SMCO2: variants seen among roughly 807,000 people sequenced by gnomAD.
SMCO2 encodes single-pass membrane protein with coiled-coil domains 2, also known as single-pass membrane and coiled-coil domain-containing protein 2.
SMCO2 carries 25 observed loss-of-function variants against 29.5 expected under a neutral mutation model. That is an observed-to-expected ratio of 0.85 (90% CI 0.62 to 1.18). The LOEUF (loss-of-function observed/expected upper bound fraction) is 1.18, where lower values mean the gene tolerates loss of function less well. Among genes scored for constraint, SMCO2 ranks in the 50% most tolerant of loss-of-function variants. The pLI, the probability that SMCO2 is intolerant of heterozygous loss-of-function variation, is 0.00. For missense variants in SMCO2, 348 were observed against 344.5 expected (o/e 1.01, Z -0.08); for synonymous variants, 117 against 123.3 (o/e 0.95, Z 0.34).
the SMCO2 span, among the ~76,000 whole-genome samples, chr12:27,446,242 G>A: frequency 6.6e-6 from 1 of 152,126 alleles, no homozygotes; most frequent in African/African-American, 2.4e-5. Flanking sequence ...GGTGGGAGTT[G>A]GGAAGCAGGG....
chr12:27,455,165 A>G, the SMCO2 span, among the ~76,000 whole-genome samples: 1 of 152,294 alleles, frequency 6.6e-6, no homozygotes, highest in East Asian at 1.9e-4. Context: ...TGGTGTTTGA[A>G]TGGCAGGGCC....
the SMCO2 span, among the ~76,000 whole-genome samples, chr12:27,441,240 C>G: frequency 6.6e-6 from 1 of 152,140 alleles, no homozygotes; most frequent in African/African-American, 2.4e-5. Context: ...GCCTGGGCAA[C>G]AGAGTAAGAC....
the SMCO2 span, among the ~76,000 whole-genome samples, chr12:27,456,111 A>AG: frequency 6.6e-6 from 1 of 152,248 alleles, no homozygotes; most frequent in Non-Finnish European, 1.5e-5. Context: ...GCTACTCGGG[A>AG]GGCTGAGGCA....
At chr12:27,435,290 C>A in the SMCO2 span, among the ~76,000 whole-genome samples, 8 of 20,622 alleles carry the variant, frequency 3.9e-4, 1 homozygote, top group Non-Finnish European at 3.0e-3. Context: ...GAACCCCCCC[C>A]CCCCCCCCCC....
intron 7 of SMCO2, among the ~76,000 whole-genome samples, chr12:27,499,447 G>T (rs1943051631): frequency 6.6e-6 from 1 of 150,528 alleles, no homozygotes; most frequent in South Asian, 2.1e-4. Flanking sequence ...TAGGGAGATG[G>T]TGACTGCTCC....
At chr12:27,424,814 T>C in the SMCO2 span, 1 of 152,210 alleles carries the variant, frequency 6.6e-6, no homozygotes, top group African/African-American at 2.4e-5. Context: ...AGGTGCCACT[T>C]TTCTGTTTTT....
chr12:27,464,384 G>A (rs1183817633), upstream of SMCO2, among the ~76,000 whole-genome samples: 8 of 152,044 alleles, frequency 5.3e-5, no homozygotes, highest in Non-Finnish European at 1.0e-4. Flanking sequence ...GAAACCAGCT[G>A]TTGGGGCCCA....
At chr12:27,486,282 C>G (rs746346073) in intron 4 of SMCO2, among the ~76,000 whole-genome samples, 18 of 152,224 alleles carry the variant, frequency 1.2e-4, no homozygotes, top group Non-Finnish European at 2.5e-4. Flanking sequence ...GGCAAATCTA[C>G]TCCATGTGGC....
chr12:27,450,891 G>T, the SMCO2 span, among the ~76,000 whole-genome samples: 215 of 152,304 alleles, frequency 1.4e-3, no homozygotes, highest in Non-Finnish European at 2.5e-3. Flanking sequence ...CATGAACGAG[G>T]CTATCCTCAC....
At chr12:27,493,005 A>T (rs1230567387) in intron 5 of SMCO2, among the ~76,000 whole-genome samples, 1 of 152,246 alleles carries the variant, frequency 6.6e-6, no homozygotes, top group African/African-American at 2.4e-5. Context: ...TGCATCCATA[A>T]AAAAGAACGA....
chr12:27,482,502 C>T (rs749483251), intron 4 of SMCO2, among the ~76,000 whole-genome samples: 29 of 152,236 alleles, frequency 1.9e-4, no homozygotes, highest in Non-Finnish European at 3.4e-4. Flanking sequence ...GGTTCCAGCA[C>T]GTTGGCCAGG....
chr12:27,473,080 C>T (rs910517402), intron 3 of SMCO2: 28 of 481,962 alleles, frequency 5.8e-5, no homozygotes, highest in Admixed American at 1.1e-4. Context: ...ACATGAAGGA[C>T]TTACTAGCCT....
At chr12:27,437,262 C>A in the SMCO2 span, among the ~76,000 whole-genome samples, 1 of 151,988 alleles carries the variant, frequency 6.6e-6, no homozygotes, top group Admixed American at 6.6e-5. Flanking sequence ...CAGAGAAAGA[C>A]CTTGTCTCAA....
chr12:27,442,770 G>A, the SMCO2 span, among the ~76,000 whole-genome samples: 10 of 152,070 alleles, frequency 6.6e-5, no homozygotes, highest in South Asian at 2.1e-4. Flanking sequence ...ACAGGCATGC[G>A]CCACAACACC....
At chr12:27,432,071 A>G in the SMCO2 span, among the ~76,000 whole-genome samples, 20 of 151,328 alleles carry the variant, frequency 1.3e-4, no homozygotes, top group Admixed American at 5.9e-4. Flanking sequence ...GGCCATTTGT[A>G]TATCTTCTGT....
the SMCO2 span, among the ~76,000 whole-genome samples, chr12:27,430,495 C>A: frequency 1.3e-5 from 2 of 152,060 alleles, no homozygotes; most frequent in Non-Finnish European, 2.9e-5. Flanking sequence ...TTGCTCGAAC[C>A]CAGGAGGTTC....
In SMCO2 at chr12:27,472,762, T is replaced by C. The variant is rs953439288; in HGVS notation, c.135-14T>C. The C allele has an allele frequency of 1.9e-6, 3 of 1,547,290 alleles. No individual in the cohort carries two copies. Among genetic ancestry groups the C allele is most frequent in the Non-Finnish European group, 2.6e-6 (3 of 1,143,814 alleles). ...GCATAATAACAGCCTCTGTTTGGAT[T>C]GTGTGGCTTGCAGTTTGCTAAAGGA... On this transcript the variant is annotated splice_polypyrimidine_tract_variant and intron_variant, in intron 2 of 7. Transcript: ENST00000298876.
intron 4 of SMCO2, among the ~76,000 whole-genome samples, chr12:27,488,038 T>A (rs1224724621): frequency 2.0e-5 from 3 of 152,144 alleles, no homozygotes; most frequent in Non-Finnish European, 2.9e-5. Flanking sequence ...GTAATTTGTC[T>A]TTTCATCCAT....
the SMCO2 span, among the ~76,000 whole-genome samples, chr12:27,438,929 C>T: frequency 6.6e-6 from 1 of 152,092 alleles, no homozygotes; most frequent in Admixed American, 6.5e-5. Context: ...ACTTCTGCAC[C>T]TGCAATACCC....
Sources: gnomAD v4.1 joint callset for allele counts (sites outside exome capture counted in the v4.1 genomes callset) on GRCh38, gnomAD v4.1.1 for gene constraint, MANE v1.5 for transcripts, NCBI Gene and HGNC (gene_info 2026-07-23, HGNC 2026-07-21) for gene names.